The following PARN variants were observed in gnomAD, a reference collection of about 807,000 sequenced individuals.
PARN encodes poly(A)-specific ribonuclease PARN.
In PARN, 71 loss-of-function variants were observed where a neutral mutation model predicts 102.8. The ratio of observed to expected loss-of-function variants is 0.69; its 90% confidence interval spans 0.57 to 0.84. The LOEUF (loss-of-function observed/expected upper bound fraction) is 0.84. Ranked by LOEUF, PARN falls within the 40% of genes least tolerant of loss-of-function variation. PARN has a pLI of 0.00. For synonymous variants in PARN, 261 were observed against 252.9 expected, an observed-to-expected ratio of 1.03 and a Z score of -0.30; for missense variants, 782 against 760.9, an observed-to-expected ratio of 1.03 and a Z score of -0.33.
At chr16:14,481,536 C>T (rs1963382154) in intron 22 of PARN, among the ~76,000 whole-genome samples, 1 of 152,164 alleles carries the variant, frequency 6.6e-6, no homozygotes, top group Non-Finnish European at 1.5e-5. Flanking sequence ...TGTTCTATAT[C>T]TTGCTTTGGT....
chr16:14,610,573 T>G, intron 7 of PARN, 71 bp downstream of exon 7: 34 of 894,908 alleles, frequency 3.8e-5, no homozygotes, highest in Non-Finnish European at 5.6e-5. Context: ...AGCACAGGTT[T>G]GAGATATAGA....
chr16:14,504,953 A>G (rs936361775), intron 21 of PARN, among the ~76,000 whole-genome samples: 3 of 152,242 alleles, frequency 2.0e-5, no homozygotes, highest in Non-Finnish European at 4.4e-5. Context: ...CAAAAAAGTA[A>G]AATATACAGT....
At chr16:14,519,617 C>T (rs1376209602) in intron 21 of PARN, among the ~76,000 whole-genome samples, 1 of 152,072 alleles carries the variant, frequency 6.6e-6, no homozygotes, top group African/African-American at 2.4e-5. Flanking sequence ...TGATTTGCAA[C>T]ACTGGGAGAA....
At chr16:14,497,566 T>C (rs987086667) in intron 21 of PARN, among the ~76,000 whole-genome samples, 81 of 152,236 alleles carry the variant, frequency 5.3e-4, no homozygotes, top group African/African-American at 2.0e-3. Context: ...GTATTAAATC[T>C]GCCACAACAT....
chr16:14,575,368 G>A (rs1425485641), intron 18 of PARN, among the ~76,000 whole-genome samples: 1 of 152,226 alleles, frequency 6.6e-6, no homozygotes, highest in African/African-American at 2.4e-5. Context: ...AAAGCCACAG[G>A]AGCAGAGCTG....
At chr16:14,532,867 C>G (rs1021238444) in intron 21 of PARN, among the ~76,000 whole-genome samples, 2 of 151,522 alleles carry the variant, frequency 1.3e-5, no homozygotes, top group African/African-American at 4.8e-5. Context: ...CTGACCCCCC[C>G]ACCTCCCTCC....
At chr16:14,536,663 GA>G (rs1966621922) in intron 21 of PARN, among the ~76,000 whole-genome samples, 1 of 152,292 alleles carries the variant, frequency 6.6e-6, no homozygotes, top group Admixed American at 6.5e-5. Flanking sequence ...TTAATAAAGA[GA>G]GGGGTATTAA....
chr16:14,497,637 G>A (rs931454504), intron 21 of PARN, among the ~76,000 whole-genome samples: 3 of 152,180 alleles, frequency 2.0e-5, no homozygotes, highest in Admixed American at 1.3e-4. Flanking sequence ...AGCCACATAC[G>A]CAAACAGCCT....
At chr16:14,613,628 C>T (rs1469341202) in intron 6 of PARN, among the ~76,000 whole-genome samples, 2 of 152,008 alleles carry the variant, frequency 1.3e-5, no homozygotes, top group African/African-American at 4.8e-5. Context: ...CTCAAAACAA[C>T]AATAACAACA....
chr16:14,582,297 A>G lies in PARN; in HGVS notation c.1082-6T>C, dbSNP rs764982180. On this transcript the variant is annotated splice_region_variant and splice_polypyrimidine_tract_variant and intron_variant, in intron 16 of 23. Coordinates refer to ENST00000437198, the MANE Select transcript of PARN (RefSeq NM_002582.4). The stretch of plus-strand genomic sequence containing the variant: ...TGGAAAACCTTCGGCACTTTCTAAG[A>G]AAAAAAAGGAAAAAGTTTTCCTCAA... 2.5e-6 allele frequency: 4 copies of G among 1,584,100 alleles called. No individual in the cohort carries two copies. Among genetic ancestry groups the G allele is most frequent in the South Asian group, 2.2e-5 (2 of 90,454 alleles).
At chr16:14,472,592 G>A (rs910793107) in intron 22 of PARN, among the ~76,000 whole-genome samples, 11 of 152,200 alleles carry the variant, frequency 7.2e-5, no homozygotes, top group African/African-American at 2.4e-4. Context: ...AAAAGCTCTC[G>A]ATTTGCTGCT....
chr16:14,503,938 A>G (rs1964752930), intron 21 of PARN, among the ~76,000 whole-genome samples: 1 of 152,246 alleles, frequency 6.6e-6, no homozygotes, highest in African/African-American at 2.4e-5. Flanking sequence ...CTCTGCTAGC[A>G]GATGGTGGTA....
chr16:14,522,829 G>A (rs1367381551), intron 21 of PARN, among the ~76,000 whole-genome samples: 1 of 152,156 alleles, frequency 6.6e-6, no homozygotes, highest in African/African-American at 2.4e-5. Flanking sequence ...AGAAAGGTCT[G>A]TAAAGAGAAA....
chr16:14,504,433 C>T (rs1259180120), intron 21 of PARN, among the ~76,000 whole-genome samples: 1 of 152,036 alleles, frequency 6.6e-6, no homozygotes, highest in African/African-American at 2.4e-5. Flanking sequence ...GTGGCATGAG[C>T]CTGTAATCCC....
At chr16:14,608,774 G>A (rs1971347144) in intron 8 of PARN, among the ~76,000 whole-genome samples, 1 of 152,138 alleles carries the variant, frequency 6.6e-6, no homozygotes, top group Non-Finnish European at 1.5e-5. Context: ...TATTAAGCGC[G>A]CCTCAAGGCC....
At chr16:14,601,525 T>C (rs1970864651) in intron 11 of PARN, among the ~76,000 whole-genome samples, 3 of 152,152 alleles carry the variant, frequency 2.0e-5, no homozygotes, top group Non-Finnish European at 4.4e-5. Context: ...AGATGGATGG[T>C]GGTGATGATT....
At chr16:14,503,757 T>C (rs1964740862) in intron 21 of PARN, among the ~76,000 whole-genome samples, 1 of 152,242 alleles carries the variant, frequency 6.6e-6, no homozygotes, top group Non-Finnish European at 1.5e-5. Flanking sequence ...CTGCCAATGC[T>C]GTAGGCTCTG....
intron 6 of PARN, among the ~76,000 whole-genome samples, chr16:14,616,263 T>G (rs2151805959): frequency 6.6e-6 from 1 of 152,254 alleles, no homozygotes; most frequent in East Asian, 1.9e-4. Flanking sequence ...CATCAAATAT[T>G]TGGTGGTCAC....
intron 11 of PARN, 67 bp from the exon 12 acceptor site, chr16:14,600,027 T>C (rs1304714137): frequency 5.6e-6 from 5 of 894,364 alleles, no homozygotes; most frequent in Non-Finnish European, 8.3e-6. Context: ...ATTAAAAAAC[T>C]ACCCCAAAAA....
Sources: gnomAD v4.1 joint callset for allele counts (sites outside exome capture counted in the v4.1 genomes callset) on GRCh38, gnomAD v4.1.1 for gene constraint, MANE v1.5 for transcripts, NCBI Gene and HGNC (gene_info 2026-07-23, HGNC 2026-07-21) for gene names.